DGKB: variants seen among roughly 807,000 people sequenced by gnomAD.
DGKB encodes the protein 90 kDa diacylglycerol kinase.
DGKB carries 67 observed loss-of-function variants against 114.3 expected under a neutral mutation model. The observed-to-expected ratio is 0.59, with a 90% CI of 0.48 to 0.72. The LOEUF is 0.72. Ranked by LOEUF, DGKB falls within the 30% of genes least tolerant of loss-of-function variation. DGKB has a pLI of 0.00. For missense variants in DGKB, 907 were observed against 975.2 expected (o/e 0.93, Z 0.93); for synonymous variants, 398 against 323.1 (o/e 1.23, Z -2.49).
chr7:14,231,121 TTC>T (rs1318556236), intron 23 of DGKB, among the ~76,000 whole-genome samples: 6 of 128,426 alleles, frequency 4.7e-5, no homozygotes, highest in South Asian at 2.5e-4. Context: ...CTTTCTTTCT[TTC>T]TTTCTTTCTT....
intron 2 of DGKB, among the ~76,000 whole-genome samples, chr7:14,840,572 C>T (rs1847785068): frequency 6.6e-6 from 1 of 152,128 alleles, no homozygotes; most frequent in Non-Finnish European, 1.5e-5. Flanking sequence ...TAGCCTATCA[C>T]TTGTATCAAT....
At chr7:14,292,195 T>C (rs1801875953) in intron 23 of DGKB, among the ~76,000 whole-genome samples, 1 of 152,184 alleles carries the variant, frequency 6.6e-6, no homozygotes, top group South Asian at 2.1e-4. Context: ...AATTCAAGTG[T>C]CCCTTTCTGT....
At chr7:14,729,958 G>A (rs943415433) in intron 5 of DGKB, among the ~76,000 whole-genome samples, 1 of 151,942 alleles carries the variant, frequency 6.6e-6, no homozygotes, top group Admixed American at 6.6e-5. Context: ...TATTTAAAGG[G>A]GGCTAGGAAA....
intron 23 of DGKB, among the ~76,000 whole-genome samples, chr7:14,310,631 C>T (rs921505056): frequency 7.9e-5 from 12 of 152,138 alleles, no homozygotes; most frequent in East Asian, 3.9e-4. Context: ...GTTTCTAGAC[C>T]TGCATTGATT....
intron 12 of DGKB, among the ~76,000 whole-genome samples, chr7:14,675,093 G>C (rs2128953726): frequency 6.6e-6 from 1 of 152,044 alleles, no homozygotes; most frequent in East Asian, 1.9e-4. Flanking sequence ...TTAAAACTGA[G>C]AAAACAGACG....
chr7:14,192,375 A>C (rs1052929061), intron 23 of DGKB, among the ~76,000 whole-genome samples: 3 of 152,222 alleles, frequency 2.0e-5, no homozygotes, highest in Non-Finnish European at 2.9e-5. Flanking sequence ...CTACAAAAAA[A>C]CTAGATACCT....
intron 2 of DGKB, among the ~76,000 whole-genome samples, chr7:14,785,331 A>T (rs867532569): frequency 1.3e-5 from 2 of 152,180 alleles, no homozygotes; most frequent in South Asian, 2.1e-4. Flanking sequence ...AGCTCATTAA[A>T]ATAGCTTCAG....
At chr7:14,517,967 G>A (rs897691364) in intron 20 of DGKB, among the ~76,000 whole-genome samples, 2 of 152,154 alleles carry the variant, frequency 1.3e-5, no homozygotes, top group East Asian at 1.9e-4. Flanking sequence ...TGGGGTATAC[G>A]CCCAAAGGGA....
At chr7:14,525,447 A>T (rs993014371) in intron 20 of DGKB, among the ~76,000 whole-genome samples, 11 of 152,186 alleles carry the variant, frequency 7.2e-5, no homozygotes, top group Admixed American at 1.3e-4. Context: ...CTCTTTTGTC[A>T]TATTTATACC....
At chr7:14,729,286 C>T (rs1243164896) in intron 5 of DGKB, among the ~76,000 whole-genome samples, 1 of 132,926 alleles carries the variant, frequency 7.5e-6, no homozygotes, top group Non-Finnish European at 1.8e-5. Context: ...CCACATCCGG[C>T]TAATTTTTTG....
At chr7:14,261,083 C>T (rs1490760299) in intron 23 of DGKB, among the ~76,000 whole-genome samples, 1 of 151,838 alleles carries the variant, frequency 6.6e-6, no homozygotes, top group Non-Finnish European at 1.5e-5. Flanking sequence ...TATAAGAAAA[C>T]ATAAAAAAAT....
chr7:14,954,785 G>A (rs1241814277), intron 1 of DGKB, among the ~76,000 whole-genome samples: 1 of 152,062 alleles, frequency 6.6e-6, no homozygotes, highest in East Asian at 1.9e-4. Context: ...CTACTATATA[G>A]CCAAGTGGAG....
At chr7:14,312,356 G>A (rs1422235855) in intron 23 of DGKB, among the ~76,000 whole-genome samples, 1 of 152,164 alleles carries the variant, frequency 6.6e-6, no homozygotes, top group Admixed American at 6.5e-5. Flanking sequence ...TACGCATTGT[G>A]TTAACATTTG....
intron 23 of DGKB, among the ~76,000 whole-genome samples, chr7:14,217,548 T>C (rs1471951075): frequency 6.6e-6 from 1 of 151,946 alleles, no homozygotes; most frequent in African/African-American, 2.4e-5. Flanking sequence ...AAATGAGTAA[T>C]TATACCAGGT....
chr7:14,405,178 T>C (rs937957333), intron 21 of DGKB, among the ~76,000 whole-genome samples: 16 of 151,992 alleles, frequency 1.1e-4, no homozygotes, highest in African/African-American at 2.4e-5. Context: ...TGTGGATAAC[T>C]GAGACATAAT....
chr7:14,284,028 T>C (rs1387251232), intron 23 of DGKB, among the ~76,000 whole-genome samples: 8 of 152,104 alleles, frequency 5.3e-5, no homozygotes, highest in East Asian at 3.9e-4. Flanking sequence ...TCTAATTAAA[T>C]TAAAGAGCTT....
intron 1 of DGKB, among the ~76,000 whole-genome samples, chr7:14,937,489 T>C (rs1785336816): frequency 6.6e-6 from 1 of 152,240 alleles, no homozygotes; most frequent in African/African-American, 2.4e-5. Flanking sequence ...CTATATATAG[T>C]CTGTGTGTAT....
chr7:14,928,563 C>T (rs1044275866), intron 1 of DGKB, among the ~76,000 whole-genome samples: 2 of 151,932 alleles, frequency 1.3e-5, no homozygotes, highest in African/African-American at 2.4e-5. Context: ...AATCTGTGTG[C>T]AATTTGTCAG....
chr7:14,835,060 A>G (rs1277762452), intron 2 of DGKB, among the ~76,000 whole-genome samples: 1 of 152,154 alleles, frequency 6.6e-6, no homozygotes, highest in Admixed American at 6.5e-5. Flanking sequence ...TATGAAGCCA[A>G]CATATATTCT....
Sources: gnomAD v4.1 joint callset for allele counts (sites outside exome capture counted in the v4.1 genomes callset) on GRCh38, gnomAD v4.1.1 for gene constraint, MANE v1.5 for transcripts, NCBI Gene and HGNC (gene_info 2026-07-23, HGNC 2026-07-21) for gene names.